WLS: variants seen among roughly 807,000 people sequenced by gnomAD.
The protein encoded by WLS is protein wntless homolog.
A neutral mutation model predicts 62.8 loss-of-function variants in WLS; 23 were observed. The ratio of observed to expected loss-of-function variants is 0.37; its 90% CI spans 0.26 to 0.52. The LOEUF (loss-of-function observed/expected upper bound fraction) is 0.52. Ranked by LOEUF, WLS falls within the 20% of genes least tolerant of loss-of-function variation. WLS has a pLI of 0.92. For synonymous variants in WLS, 246 were observed against 244.1 expected, an observed-to-expected ratio of 1.01 and a Z score of -0.07; for missense variants, 615 against 697.3, an observed-to-expected ratio of 0.88 and a Z score of 1.33.
At chr1:68,113,135 A>G (rs1037563627) in intron 11 of WLS, among the ~76,000 whole-genome samples, 2 of 152,152 alleles carry the variant, frequency 1.3e-5, no homozygotes, top group African/African-American at 4.8e-5. Context: ...CTGAGACCAT[A>G]TTGGCTGAAG....
At chr1:68,118,117 T>C (rs1435396875) in intron 11 of WLS, among the ~76,000 whole-genome samples, 1 of 152,172 alleles carries the variant, frequency 6.6e-6, no homozygotes, top group East Asian at 1.9e-4. Context: ...CTCTATATCC[T>C]GGTAAACATC....
intron 1 of WLS, among the ~76,000 whole-genome samples, chr1:68,210,531 G>A (rs1649470638): frequency 1.3e-5 from 2 of 152,150 alleles, no homozygotes; most frequent in African/African-American, 4.8e-5. Context: ...AACTAAACAA[G>A]CTGTCTAGAG....
rs144491207 is a variant in WLS at position 68,196,593 on chromosome 1, A to G, written c.107-2366T>C. 6.8e-3 allele frequency among the ~76,000 whole-genome samples: 1,032 copies of G among 152,206 alleles called. 10 individuals are homozygous for G. Among genetic ancestry groups the G allele is most frequent in the Non-Finnish European group, 0.01 (691 of 67,954 alleles). On this transcript the variant is annotated intron_variant, in intron 1 of 11. Coordinates refer to ENST00000262348, the MANE Select transcript of WLS (RefSeq NM_024911.7). ...CGAATCCACATTATTTTTCTATTCT[A>G]TTAAACATCTATTTTAATGATACAT...
At chr1:68,198,083 C>G (rs1648776079) in intron 1 of WLS, among the ~76,000 whole-genome samples, 1 of 152,064 alleles carries the variant, frequency 6.6e-6, no homozygotes, top group Admixed American at 6.6e-5. Context: ...GCAATATTAC[C>G]CAGCTGCCTC....
chr1:68,175,826 G>C (rs1309698491), intron 2 of WLS, among the ~76,000 whole-genome samples: 2 of 152,182 alleles, frequency 1.3e-5, no homozygotes, highest in African/African-American at 4.8e-5. Flanking sequence ...ACTATACAAG[G>C]AGAAAAGTAG....
At chr1:68,111,983 G>A (rs555938874) in intron 11 of WLS, among the ~76,000 whole-genome samples, 81 of 152,288 alleles carry the variant, frequency 5.3e-4, no homozygotes, top group African/African-American at 1.9e-3. Flanking sequence ...GTGCTTTATC[G>A]TTCTGTTCAA....
chr1:68,101,109 C>T (rs957458090), intron 11 of WLS, among the ~76,000 whole-genome samples: 4 of 152,204 alleles, frequency 2.6e-5, no homozygotes, highest in Non-Finnish European at 5.9e-5. Flanking sequence ...AGGATGGCCA[C>T]CTGCAGGCTG....
At chr1:68,192,074 C>T (rs1648342896) in intron 2 of WLS, among the ~76,000 whole-genome samples, 1 of 152,158 alleles carries the variant, frequency 6.6e-6, no homozygotes, top group Non-Finnish European at 1.5e-5. Flanking sequence ...CCGTAAGTTC[C>T]TTAAAGGACA....
Position 68,150,361 on chromosome 1 carries a change from T to C in WLS, c.804-5A>G, listed in dbSNP as rs762448466. ...ATCCCAAGGGCAAAGATGACTCTGATGGTGAGAAAATATCAGGACAGCCAC... is the reference window on the plus strand; with the variant it reads ...ATCCCAAGGGCAAAGATGACTCTGACGGTGAGAAAATATCAGGACAGCCAC... On this transcript the variant is annotated splice_polypyrimidine_tract_variant and splice_region_variant and intron_variant, in intron 5 of 11. Coordinates refer to ENST00000262348, the MANE Select transcript of WLS (RefSeq NM_024911.7). 14 of 1,613,718 alleles carry C rather than the reference T, an allele frequency of 8.7e-6. No individual in the cohort carries two copies. The highest frequency in any genetic ancestry group is 1.2e-5 in the Non-Finnish European group (14 of 1,179,878).
intron 1 of WLS, among the ~76,000 whole-genome samples, chr1:68,217,496 C>T (rs1255462863): frequency 6.6e-6 from 1 of 152,180 alleles, no homozygotes; most frequent in African/African-American, 2.4e-5. Context: ...TGGAAAACTT[C>T]AGTGGTTAAC....
At chr1:68,106,651 A>G (rs894553185) in intron 11 of WLS, among the ~76,000 whole-genome samples, 3 of 152,160 alleles carry the variant, frequency 2.0e-5, no homozygotes, top group African/African-American at 7.2e-5. Context: ...TCTCATGCAT[A>G]GACAGACTGC....
chr1:68,209,917 C>T (rs1273175039), intron 1 of WLS, among the ~76,000 whole-genome samples: 1 of 152,224 alleles, frequency 6.6e-6, no homozygotes, highest in Non-Finnish European at 1.5e-5. Flanking sequence ...TAATCTGTCC[C>T]AGGTCCATAG....
intron 11 of WLS, among the ~76,000 whole-genome samples, chr1:68,114,080 C>G (rs1286793788): frequency 2.0e-5 from 3 of 152,192 alleles, no homozygotes; most frequent in Non-Finnish European, 4.4e-5. Flanking sequence ...TCTGGCATTC[C>G]CGGATTCAAC....
chr1:68,137,643 T>C, intron 11 of WLS, 137 bp downstream of exon 11: 1 of 983,082 alleles, frequency 1.0e-6, no homozygotes, highest in Non-Finnish European at 1.4e-6. Context: ...GGGTGCTCAT[T>C]CACCGTCTCC....
At chr1:68,122,310 C>T (rs948193913), downstream of WLS, among the ~76,000 whole-genome samples, 105 of 152,194 alleles carry the variant, frequency 6.9e-4, 1 homozygote, top group African/African-American at 2.5e-3. Context: ...TCCAAGGGCC[C>T]GATCAGCTAT....
At chr1:68,156,823 T>C (rs540929426) in intron 3 of WLS, among the ~76,000 whole-genome samples, 2 of 152,308 alleles carry the variant, frequency 1.3e-5, no homozygotes, top group South Asian at 4.1e-4. Context: ...ATGGGGGCTC[T>C]GCAGGTACTA....
chr1:68,137,503 CTT>C (rs1241915801), intron 11 of WLS, among the ~76,000 whole-genome samples: 2 of 152,176 alleles, frequency 1.3e-5, no homozygotes, highest in Admixed American at 6.5e-5. Context: ...AAATTTGACT[CTT>C]GTTCTAAAAT....
At chr1:68,214,488 C>A (rs776428563) in intron 1 of WLS, among the ~76,000 whole-genome samples, 1 of 152,064 alleles carries the variant, frequency 6.6e-6, no homozygotes, top group African/African-American at 2.4e-5. Flanking sequence ...CCTCAGCCTC[C>A]CAAGTAGCTG....
chr1:68,190,462 C>T (rs1047729591), intron 2 of WLS, among the ~76,000 whole-genome samples: 2 of 152,166 alleles, frequency 1.3e-5, no homozygotes, highest in African/African-American at 2.4e-5. Flanking sequence ...GATGGAATGT[C>T]GTTTGCAAGA....
Sources: gnomAD v4.1 joint callset for allele counts (sites outside exome capture counted in the v4.1 genomes callset) on GRCh38, gnomAD v4.1.1 for gene constraint, MANE v1.5 for transcripts, NCBI Gene and HGNC (gene_info 2026-07-23, HGNC 2026-07-21) for gene names.